The following SLC24A2 variants were observed in gnomAD, a reference collection of about 807,000 sequenced individuals.
SLC24A2 encodes the protein sodium/potassium/calcium exchanger 2.
A neutral mutation model predicts 62.0 loss-of-function variants in SLC24A2; 36 were observed. That is an observed-to-expected ratio of 0.58 (90% CI 0.44 to 0.77). The LOEUF is 0.77. Ranked by LOEUF, SLC24A2 falls within the 30% of genes least tolerant of loss-of-function variation. The probability of loss-of-function intolerance (pLI) is 0.00; values close to 1 mark genes in which losing one functional copy is unlikely to be tolerated. For missense variants in SLC24A2, 846 were observed against 817.9 expected (o/e 1.03, Z -0.42); for synonymous variants, 358 against 294.0 (o/e 1.22, Z -2.23).
chr9:19,858,622 A>G, the SLC24A2 span, among the ~76,000 whole-genome samples: 4 of 152,234 alleles, frequency 2.6e-5, no homozygotes. Context: ...AATATCTAGA[A>G]GATTCATTTA....
the SLC24A2 span, among the ~76,000 whole-genome samples, chr9:20,227,534 C>CT: frequency 2.1e-5 from 2 of 93,090 alleles, no homozygotes; most frequent in African/African-American, 8.9e-5. Context: ...TCACACATTT[C>CT]TAAAAAAAAA....
intron 2 of SLC24A2, among the ~76,000 whole-genome samples, chr9:19,765,036 T>C (rs1423022611): frequency 6.6e-6 from 1 of 152,222 alleles, no homozygotes; most frequent in Non-Finnish European, 1.5e-5. Flanking sequence ...TTGATCCCTT[T>C]ACCATTATGT....
the SLC24A2 span, among the ~76,000 whole-genome samples, chr9:20,289,701 A>G: frequency 6.6e-6 from 1 of 152,100 alleles, no homozygotes; most frequent in Admixed American, 6.5e-5. Flanking sequence ...CTCCATGAAC[A>G]TTTCCTGGAT....
the SLC24A2 span, among the ~76,000 whole-genome samples, chr9:20,259,843 C>T: frequency 6.6e-6 from 1 of 152,194 alleles, no homozygotes; most frequent in Admixed American, 6.5e-5. Flanking sequence ...AACCCTAGCA[C>T]TTTGGGAGAC....
chr9:20,145,904 A>G, the SLC24A2 span, among the ~76,000 whole-genome samples: 3,794 of 149,404 alleles, frequency 0.025, 181 homozygotes, highest in African/African-American at 0.087. Flanking sequence ...TTTTTATAAT[A>G]TAATTTGGTT....
the SLC24A2 span, among the ~76,000 whole-genome samples, chr9:20,184,333 G>A: frequency 9.9e-5 from 15 of 152,180 alleles, no homozygotes; most frequent in Non-Finnish European, 1.5e-4. Context: ...GGCAGACCAC[G>A]AGATCAAGAG....
At chr9:20,198,085 C>G in the SLC24A2 span, among the ~76,000 whole-genome samples, 26 of 152,280 alleles carry the variant, frequency 1.7e-4, no homozygotes, top group Admixed American at 7.2e-4. Flanking sequence ...GATGTTGTAG[C>G]CCCAGGTACC....
chr9:20,077,440 A>T, the SLC24A2 span, among the ~76,000 whole-genome samples: 1 of 152,216 alleles, frequency 6.6e-6, no homozygotes, highest in Non-Finnish European at 1.5e-5. Flanking sequence ...TTAAATAAAA[A>T]AAATGTTTTA....
In SLC24A2 at chr9:19,619,627, G is replaced by A. The variant is rs374387525; in HGVS notation, c.1035C>T (p.Ser345=). ...ASLHNSLMRN[S]IFQLMIHTLD... Reference sequence around the variant, plus strand: ...GGGTGTGTATCATGAGTTGGAAGATGCTATTCCTCATGAGACTGTTGTGGA... The same window carrying A: ...GGGTGTGTATCATGAGTTGGAAGATACTATTCCTCATGAGACTGTTGTGGA... The change falls in exon 4 of 11, where the codon AGC becomes AGT. Residue 345 remains serine (S), a synonymous_variant. Transcript: ENST00000341998. 6.2e-7 allele frequency: 1 copy of A among 1,614,020 alleles called. No individual in the cohort carries two copies. The highest frequency in any genetic ancestry group is 1.1e-5 in the South Asian group (1 of 91,076).
the SLC24A2 span, among the ~76,000 whole-genome samples, chr9:20,138,473 T>C: frequency 6.6e-6 from 1 of 152,192 alleles, no homozygotes; most frequent in Non-Finnish European, 1.5e-5. Flanking sequence ...CTCTTTTCCT[T>C]ATGAAATCTG....
At chr9:19,805,197 C>T in the SLC24A2 span, among the ~76,000 whole-genome samples, 2 of 152,100 alleles carry the variant, frequency 1.3e-5, no homozygotes, top group Non-Finnish European at 2.9e-5. Context: ...AATATTGACA[C>T]ATTTTGACTT....
chr9:19,535,151 G>A (rs991114596), intron 8 of SLC24A2, among the ~76,000 whole-genome samples: 25 of 152,084 alleles, frequency 1.6e-4, no homozygotes, highest in Non-Finnish European at 2.9e-4. Context: ...CTGCATAAAT[G>A]TCGTCTTTTG....
In SLC24A2 at chr9:19,579,739, G is replaced by A. The variant is rs558529298; in HGVS notation, c.1130-2717C>T. On this transcript the variant is annotated intron_variant, in intron 5 of 10. Coordinates refer to ENST00000341998, the MANE Select transcript of SLC24A2 (RefSeq NM_020344.4). ...TCCTAAAGTCATGAATCATGACACAGAAAATATTGGATAGAAACAAGCTAA... is the reference window on the plus strand; with the variant it reads ...TCCTAAAGTCATGAATCATGACACAAAAAATATTGGATAGAAACAAGCTAA... Among the ~76,000 whole-genome samples the A allele has an allele frequency of 1.6e-3, 239 of 152,272 alleles. 1 individual carries two copies. Among genetic ancestry groups the A allele is most frequent in the African/African-American group, 5.5e-3 (228 of 41,560 alleles).
the SLC24A2 span, among the ~76,000 whole-genome samples, chr9:20,299,144 G>A: frequency 1.3e-5 from 2 of 152,168 alleles, no homozygotes; most frequent in African/African-American, 4.8e-5. Flanking sequence ...CATAGAGAGG[G>A]AGCAGGAGCA....
the SLC24A2 span, among the ~76,000 whole-genome samples, chr9:19,883,683 G>A: frequency 0.067 from 10,079 of 151,358 alleles, 478 homozygotes; most frequent in East Asian, 0.25. Context: ...CTCCTGCCTC[G>A]GCCTCCTGAG....
In SLC24A2 at chr9:19,748,405, C is replaced by A. The variant is rs78896904; in HGVS notation, c.930+37532G>T. The stretch of plus-strand genomic sequence containing the variant: ...TCCCTTCCCTCTGAAAAGTATAACA[C>A]AAGAAGTTTTAGACTGGCCTCCATT... On this transcript the variant is annotated intron_variant, in intron 2 of 10. Coordinates refer to ENST00000341998, the MANE Select transcript of SLC24A2 (RefSeq NM_020344.4). 8.4e-3 allele frequency among the ~76,000 whole-genome samples: 1,274 copies of A among 152,228 alleles called. 12 individuals are homozygous for A. Among genetic ancestry groups the A allele is most frequent in the African/African-American group, 0.029 (1,212 of 41,550 alleles).
chr9:19,535,111 G>A (rs1479660883), intron 8 of SLC24A2, among the ~76,000 whole-genome samples: 1 of 152,160 alleles, frequency 6.6e-6, no homozygotes, highest in Non-Finnish European at 1.5e-5. Context: ...AATGACCAGT[G>A]ATGATGAGCT....
At chr9:19,668,184 C>T (rs528162696) in intron 2 of SLC24A2, among the ~76,000 whole-genome samples, 27 of 152,280 alleles carry the variant, frequency 1.8e-4, no homozygotes, top group Middle Eastern at 6.8e-3. Context: ...GTCTGTTACT[C>T]CTTATCTTCC....
At position 19,771,998 on chromosome 9, in the gene SLC24A2, G is replaced by A. The variant is rs1455477261; in HGVS notation, c.930+13939C>T. Among the ~76,000 whole-genome samples, 4 of 152,142 alleles carry A rather than the reference G, an allele frequency of 2.6e-5. No individual in the cohort carries two copies. The East Asian group carries it at 7.7e-4, about 29-fold the overall frequency. ...GGGCCCAGTACAGACAGCAAAACAG[G>A]CAAAGTTCACATCTTGGAGCAAAGG... On this transcript the variant is annotated intron_variant, in intron 2 of 10. Coordinates refer to ENST00000341998, the MANE Select transcript of SLC24A2 (RefSeq NM_020344.4).
Sources: gnomAD v4.1 joint callset for allele counts (sites outside exome capture counted in the v4.1 genomes callset) on GRCh38, gnomAD v4.1.1 for gene constraint, MANE v1.5 for transcripts, NCBI Gene and HGNC (gene_info 2026-07-23, HGNC 2026-07-21) for gene names.